The following EIF2AK2 variants were observed in gnomAD, a reference collection of about 807,000 sequenced individuals.
The protein encoded by EIF2AK2 is interferon-induced, double-stranded RNA-activated protein kinase.
Under a neutral mutation model 70.5 loss-of-function variants are expected in EIF2AK2, and 40 were observed. The observed-to-expected ratio is 0.57, with a 90% CI of 0.44 to 0.74. The LOEUF is 0.74. Among genes scored for constraint, EIF2AK2 ranks in the 30% least tolerant of loss-of-function variants. The probability of loss-of-function intolerance (pLI) is 0.00; values close to 1 mark genes in which losing one functional copy is unlikely to be tolerated. For missense variants in EIF2AK2, 555 were observed against 644.3 expected (o/e 0.86, Z 1.50); for synonymous variants, 198 against 220.9 (o/e 0.90, Z 0.92).
At position 37,126,290 on chromosome 2, in the gene EIF2AK2, CGTT is replaced by C; in HGVS notation, c.904_906del (p.Asn302del). Reference sequence around the variant, plus strand: ...AAAATGTAAACATTTACTACTTACTCGTTATTATATTTAACACGTTTAATAACG... The same window carrying C: ...AAAATGTAAACATTTACTACTTACTCATTATATTTAACACGTTTAATAACG... On this transcript the variant is annotated inframe_deletion and splice_region_variant, in exon 11 of 17. Coordinates refer to ENST00000233057, the MANE Select transcript of EIF2AK2 (RefSeq NM_001135651.3). 6.3e-7 allele frequency: 1 copy of C among 1,588,726 alleles called. No individual in the cohort carries two copies. The highest frequency in any genetic ancestry group is 8.6e-7 in the Non-Finnish European group (1 of 1,168,286).
At chr2:37,142,602 A>G (rs1409179205) in intron 4 of EIF2AK2, among the ~76,000 whole-genome samples, 3 of 151,106 alleles carry the variant, frequency 2.0e-5, no homozygotes, top group Non-Finnish European at 4.4e-5. Context: ...TCTTGACTCA[A>G]TTTTCTACCT....
intron 3 of EIF2AK2, 102 bp from the exon 4 acceptor site, chr2:37,147,075 T>A (rs1675571675): frequency 1.8e-6 from 2 of 1,124,736 alleles, no homozygotes; most frequent in South Asian, 1.6e-5. Flanking sequence ...CTTTGAGGGT[T>A]TGAACCTACA....
chr2:37,122,557 T>C lies in EIF2AK2; in HGVS notation c.1016A>G (p.Asp339Gly). ...ATCATAATCACTGCTCTCAAGAGAA[T>C]CATCACTGGTCTCAGGATCATAATC... ...GFDYDPETSD[D>G]SLESSDYDPE... The change falls in exon 12 of 17, where the codon GAT (aspartate) becomes GGT (glycine). Residue 339 changes from aspartate to glycine, a missense_variant. Physicochemically the swap from Asp to Gly is moderately conservative, Grantham distance 94. Around this residue, in one of 3 missense-constraint regions of EIF2AK2, gnomAD observed 299 missense variants for 375.4 expected, o/e 0.80. Coordinates refer to ENST00000233057, the MANE Select transcript of EIF2AK2 (RefSeq NM_001135651.3). The C allele has an allele frequency of 2.5e-6, 4 of 1,614,164 alleles. No individual in the cohort carries two copies. Among genetic ancestry groups the C allele is most frequent in the Non-Finnish European group, 3.4e-6 (4 of 1,180,028 alleles).
intron 14 of EIF2AK2, among the ~76,000 whole-genome samples, chr2:37,109,845 T>C (rs1406136086): frequency 6.6e-6 from 1 of 152,160 alleles, no homozygotes; most frequent in African/African-American, 2.4e-5. Flanking sequence ...ATTCCATTCA[T>C]ATGAAGGTCA....
At chr2:37,139,219 G>A (rs1399502059) in intron 6 of EIF2AK2, among the ~76,000 whole-genome samples, 2 of 151,598 alleles carry the variant, frequency 1.3e-5, no homozygotes, top group African/African-American at 4.9e-5. Context: ...GTAGGCTGAG[G>A]CAGGAGAATT....
At chr2:37,115,897 T>A (rs1446337489) in intron 13 of EIF2AK2, among the ~76,000 whole-genome samples, 1 of 152,000 alleles carries the variant, frequency 6.6e-6, no homozygotes, top group Admixed American at 6.6e-5. Flanking sequence ...GGAGGTGTTT[T>A]GTTTTGTTTT....
rs1674730638 is a variant in EIF2AK2 at position 37,126,431 on chromosome 2, G to A, written c.786-20C>T. On this transcript the variant is annotated intron_variant, in intron 10 of 16. Coordinates refer to ENST00000233057, the MANE Select transcript of EIF2AK2 (RefSeq NM_001135651.3). ...CCAAACCTTAAAGATAAAAACCACT[G>A]TTATTTTGACATTTCATGCTCAACC... 6.3e-7 allele frequency: 1 copy of A among 1,596,562 alleles called. No individual in the cohort carries two copies. Among genetic ancestry groups the A allele is most frequent in the Admixed American group, 1.8e-5 (1 of 55,278 alleles).
At chr2:37,147,182 C>T (rs1190068565) in intron 3 of EIF2AK2, among the ~76,000 whole-genome samples, 1 of 152,204 alleles carries the variant, frequency 6.6e-6, no homozygotes, top group Non-Finnish European at 1.5e-5. Flanking sequence ...CTGGAGTCAA[C>T]TGTGGCTCCA....
chr2:37,155,918 C>T (rs1343415445), intron 1 of EIF2AK2, among the ~76,000 whole-genome samples: 1 of 136,788 alleles, frequency 7.3e-6, no homozygotes, highest in African/African-American at 2.8e-5. Flanking sequence ...TCCAGCCTGG[C>T]GACAGAGTGA....
chr2:37,113,762 A>G (rs1431742575), intron 14 of EIF2AK2, among the ~76,000 whole-genome samples: 3 of 152,238 alleles, frequency 2.0e-5, no homozygotes, highest in Non-Finnish European at 2.9e-5. Flanking sequence ...TGGAAAATAC[A>G]AACTAAAATA....
intron 4 of EIF2AK2, among the ~76,000 whole-genome samples, chr2:37,142,426 C>G (rs1291711648): frequency 6.6e-6 from 1 of 152,132 alleles, no homozygotes; most frequent in Non-Finnish European, 1.5e-5. Context: ...AGCCACCACA[C>G]CCGGCTGAGT....
In EIF2AK2 at chr2:37,156,961, G is replaced by T. The variant is rs1257748722; in HGVS notation, c.-237C>A. On this transcript the variant is annotated 5_prime_UTR_variant, in exon 1 of 17. Coordinates refer to ENST00000233057, the MANE Select transcript of EIF2AK2 (RefSeq NM_001135651.3). ...GCCGGCCGGAGACCCGCGGCTTCGG[G>T]AGAGCTGGTTCTCAGTTTCGTTTTC... The T allele has an allele frequency of 1.6e-5, 3 of 186,096 alleles. No homozygotes were observed. The highest frequency in any genetic ancestry group is 2.4e-5 in the African/African-American group (1 of 41,766). 11.5% of individuals were successfully genotyped at this position (186,096 alleles called of 1,614,324 possible). A position where few individuals can be genotyped will look rare whatever the true frequency, so the allele number is the denominator to read the frequency against.
intron 9 of EIF2AK2, 23 bp downstream of exon 9, chr2:37,136,960 G>T: frequency 2.5e-6 from 4 of 1,592,904 alleles, no homozygotes; most frequent in Non-Finnish European, 3.4e-6. Flanking sequence ...ATCAAAATAT[G>T]TTCAATGCAT....
At chr2:37,154,331 A>C (rs954690384) in intron 1 of EIF2AK2, among the ~76,000 whole-genome samples, 8 of 151,930 alleles carry the variant, frequency 5.3e-5, no homozygotes, top group African/African-American at 1.2e-4. Context: ...GTCTCAAAAA[A>C]AAAAACAAAA....
chr2:37,126,194 AT>A, intron 11 of EIF2AK2, 94 bp downstream of exon 11: 1 of 1,430,254 alleles, frequency 7.0e-7, no homozygotes. Context: ...AAAGAAATAA[AT>A]GATACCCTAA....
At chr2:37,107,618 A>G in intron 15 of EIF2AK2, 91 bp from the exon 16 acceptor site, 1 of 1,412,486 alleles carries the variant, frequency 7.1e-7, no homozygotes, top group Non-Finnish European at 9.6e-7. Context: ...GAAATGTAGG[A>G]TATTTCCAGA....
intron 14 of EIF2AK2, among the ~76,000 whole-genome samples, chr2:37,111,878 AATATATAT>A (rs869140054): frequency 0.1 from 6,865 of 67,938 alleles, 670 homozygotes; most frequent in Middle Eastern, 0.16. Flanking sequence ...AAAAAAAAAA[AATATATAT>A]ATATATATAT....
At position 37,120,059 on chromosome 2, in the gene EIF2AK2, C is replaced by A. The variant is rs776898858; in HGVS notation, c.1148G>T (p.Gly383Val). Residue 383 changes from glycine to valine, a missense_variant, in exon 13 of 17, where the codon GGC becomes GTC. By Grantham distance (109) the Gly-to-Val change is moderately radical. Transcript: ENST00000233057. ...AGCCAAAACTTTGTCTAGTTTCTCGCCTCTTCTTTTTTCAATCCATTGTTC... is the reference window on the plus strand; with the variant it reads ...AGCCAAAACTTTGTCTAGTTTCTCGACTCTTCTTTTTTCAATCCATTGTTC... ...TLEQWIEKRR[G>V]EKLDKVLALE... 6.4e-7 allele frequency: 1 copy of A among 1,550,964 alleles called. No individual in the cohort carries two copies. The highest frequency in any genetic ancestry group is 1.2e-5 in the South Asian group (1 of 81,384).
intron 10 of EIF2AK2, among the ~76,000 whole-genome samples, chr2:37,127,684 A>G (rs1243335242): frequency 6.8e-6 from 1 of 147,254 alleles, no homozygotes; most frequent in Non-Finnish European, 1.5e-5. Context: ...CCCTGCTTCC[A>G]TTTCTCTCCA....
Sources: gnomAD v4.1 joint callset for allele counts (sites outside exome capture counted in the v4.1 genomes callset) on GRCh38, gnomAD v4.1.1 for gene constraint, gnomAD v4.1.1 regional missense constraint, MANE v1.5 for transcripts, NCBI Gene and HGNC (gene_info 2026-07-23, HGNC 2026-07-21) for gene names.